Variants in ANO6 observed in about 807,000 individuals in gnomAD.
The protein encoded by ANO6 is anoctamin-6.
A neutral mutation model predicts 117.5 loss-of-function variants in ANO6; 106 were observed. The observed-to-expected ratio is 0.90, with a 90% confidence interval of 0.77 to 1.06. The LOEUF (loss-of-function observed/expected upper bound fraction) is 1.06, where lower values mean the gene tolerates loss of function less well. ANO6 is among the 50% of genes least tolerant of loss of function. The pLI, the probability that ANO6 is intolerant of heterozygous loss-of-function variation, is 0.00. For synonymous variants in ANO6, 367 were observed against 385.1 expected (o/e 0.95, Z 0.55); for missense variants, 955 against 1,121.1 (o/e 0.85, Z 2.12).
At position 45,379,749 on chromosome 12, in the gene ANO6, A is replaced by T. The variant is rs149825203; in HGVS notation, c.1165+1636A>T. Among the ~76,000 whole-genome samples, 201 of 152,354 alleles carry T rather than the reference A, an allele frequency of 1.3e-3. 1 individual carries two copies. Among genetic ancestry groups the T allele is most frequent in the African/African-American group, 4.4e-3 (184 of 41,580 alleles). ...AAGACAAGCCTCAAATTTACTAGCT[A>T]ACCTTCCTTTCTCTGATCATTAACT... On this transcript the variant is annotated intron_variant, in intron 10 of 19. Transcript: ENST00000320560.
Position 45,216,210 on chromosome 12 carries a change from A to G in ANO6, c.-112A>G. 1 of 1,287,076 alleles carries G rather than the reference A, an allele frequency of 7.8e-7. No individual in the cohort carries two copies. Among genetic ancestry groups the G allele is most frequent in the Admixed American group, 2.0e-5 (1 of 50,144 alleles). 79.7% of individuals were successfully genotyped at this position (1,287,076 alleles called of 1,614,324 possible). On this transcript the variant is annotated 5_prime_UTR_variant, in exon 1 of 20. Coordinates refer to ENST00000320560, the MANE Select transcript of ANO6 (RefSeq NM_001025356.3). The stretch of plus-strand genomic sequence containing the variant: ...GCTGGGCTCAGCGGCCCCTGAGCCC[A>G]AGCGACACACGCCCCGCGGTCCCCG...
intron 9 of ANO6, among the ~76,000 whole-genome samples, chr12:45,372,021 C>A (rs997277089): frequency 2.5e-4 from 38 of 152,006 alleles, no homozygotes; most frequent in African/African-American, 8.7e-4. Flanking sequence ...CTTAAAGGAG[C>A]TGATGGAGCT....
At chr12:45,420,993 T>G in intron 17 of ANO6, 78 bp from the exon 18 acceptor site, 1 of 1,482,900 alleles carries the variant, frequency 6.7e-7, no homozygotes, top group Admixed American at 1.7e-5. Flanking sequence ...CCATGCAGCC[T>G]GGGCAGCAAG....
intron 12 of ANO6, among the ~76,000 whole-genome samples, chr12:45,397,467 C>G (rs1189167684): frequency 6.6e-6 from 1 of 152,164 alleles, no homozygotes; most frequent in African/African-American, 2.4e-5. Context: ...CCATTTGACC[C>G]AGCAATCCCA....
chr12:45,363,936 C>CTCA (rs1941620502), intron 8 of ANO6, among the ~76,000 whole-genome samples: 1 of 152,206 alleles, frequency 6.6e-6, no homozygotes, highest in Non-Finnish European at 1.5e-5. Context: ...ATGAACTAGT[C>CTCA]TCAGGTATGT....
rs113718009 is a variant in ANO6, at chr12:45,406,174, C to T, written c.1880+2638C>T. 9.0e-3 allele frequency among the ~76,000 whole-genome samples: 1,377 copies of T among 152,342 alleles called. 17 individuals are homozygous for T. The highest frequency in any genetic ancestry group is 0.03 in the African/African-American group (1,239 of 41,568). On this transcript the variant is annotated intron_variant, in intron 15 of 19. Coordinates refer to ENST00000320560, the MANE Select transcript of ANO6 (RefSeq NM_001025356.3). Reference sequence around the variant, plus strand: ...TCAGGGATCCAGGTTCCTTTTGGGGCCTCCCCAGTACCTGGCATATGACAG... The same window carrying T: ...TCAGGGATCCAGGTTCCTTTTGGGGTCTCCCCAGTACCTGGCATATGACAG...
intron 2 of ANO6, among the ~76,000 whole-genome samples, chr12:45,312,031 T>G (rs1939865878): frequency 6.6e-6 from 1 of 152,034 alleles, no homozygotes; most frequent in Admixed American, 6.6e-5. Context: ...TTCCACTATT[T>G]CCAGAAATCC....
At chr12:45,409,564 A>T in intron 16 of ANO6, 77 bp downstream of exon 16, 2 of 1,486,534 alleles carry the variant, frequency 1.3e-6, no homozygotes, top group Non-Finnish European at 1.9e-6. Flanking sequence ...TCTGTTATTG[A>T]GCCATATTAA....
rs74080818 is a variant in ANO6, at chr12:45,350,883, C to T, written c.863+109C>T. ...ACTCTTGCCAGTGAAGGGAGCTGAC[C>T]CAGAGTGCTGAGCTTCGTTGGCCAG... is the stretch of plus-strand genomic sequence containing the variant. On this transcript the variant is annotated intron_variant, in intron 7 of 19. Coordinates refer to ENST00000320560, the MANE Select transcript of ANO6 (RefSeq NM_001025356.3). The T allele has an allele frequency of 9.0e-3, 8,475 of 943,692 alleles. 387 individuals carry two copies. In the African/African-American group the frequency reaches 0.11, roughly 12 times the overall value. 58.5% of individuals were successfully genotyped at this position (943,692 alleles called of 1,614,324 possible). A position where few individuals can be genotyped will look rare whatever the true frequency, so the allele number is the denominator to read the frequency against.
At chr12:45,253,913 A>T (rs1364242012) in intron 1 of ANO6, among the ~76,000 whole-genome samples, 1 of 152,196 alleles carries the variant, frequency 6.6e-6, no homozygotes, top group Non-Finnish European at 1.5e-5. Context: ...TCATGCCTGT[A>T]ATCCCAGCAC....
intron 1 of ANO6, chr12:45,270,585 C>CTTTCCTGTT: frequency 1.8e-6 from 1 of 553,736 alleles, no homozygotes; most frequent in Non-Finnish European, 3.1e-6. Flanking sequence ...CTCCGACTGT[C>CTTTCCTGTT]AGTTCCGGGA....
intron 1 of ANO6, among the ~76,000 whole-genome samples, chr12:45,261,850 T>G (rs1037108042): frequency 1.3e-5 from 2 of 152,216 alleles, no homozygotes; most frequent in Non-Finnish European, 2.9e-5. Flanking sequence ...AGGCATACTT[T>G]CTGGCAGAGC....
intron 1 of ANO6, among the ~76,000 whole-genome samples, chr12:45,231,825 G>A (rs1947578894): frequency 6.6e-6 from 1 of 152,068 alleles, no homozygotes; most frequent in Admixed American, 6.5e-5. Flanking sequence ...CCAAGGGTAA[G>A]CAAACACAGC....
At chr12:45,288,727 T>A (rs574731434) in intron 1 of ANO6, among the ~76,000 whole-genome samples, 1 of 152,258 alleles carries the variant, frequency 6.6e-6, no homozygotes, top group South Asian at 2.1e-4. Context: ...GGGTATATAT[T>A]ATAATACATA....
At chr12:45,265,179 A>G (rs181750293) in intron 1 of ANO6, among the ~76,000 whole-genome samples, 7 of 152,298 alleles carry the variant, frequency 4.6e-5, no homozygotes, top group South Asian at 2.1e-4. Context: ...CTGTATAGTG[A>G]CTTTTATATA....
chr12:45,258,872 C>T (rs1280834670), intron 1 of ANO6, among the ~76,000 whole-genome samples: 1 of 152,146 alleles, frequency 6.6e-6, no homozygotes, highest in East Asian at 1.9e-4. Flanking sequence ...ATAGTCCATG[C>T]CCTCAGGTTG....
At chr12:45,390,399 AC>A in intron 11 of ANO6, 21 bp from the exon 12 acceptor site, 8 of 1,592,388 alleles carry the variant, frequency 5.0e-6, no homozygotes, top group Non-Finnish European at 6.9e-6. Context: ...GATTGACTAA[AC>A]TTTTTTGTTT....
intron 1 of ANO6, among the ~76,000 whole-genome samples, chr12:45,284,924 C>A (rs1938859143): frequency 6.6e-6 from 1 of 152,150 alleles, no homozygotes; most frequent in East Asian, 1.9e-4. Flanking sequence ...TAGGGAGGGG[C>A]AATCTGAGTT....
At chr12:45,235,292 G>A (rs1947628661) in intron 1 of ANO6, among the ~76,000 whole-genome samples, 1 of 152,138 alleles carries the variant, frequency 6.6e-6, no homozygotes, top group African/African-American at 2.4e-5. Context: ...TTAAATCTTA[G>A]CCCTAAATTG....
Sources: allele counts gnomAD v4.1 joint callset (sites outside exome capture counted in the v4.1 genomes callset), GRCh38; gene constraint gnomAD v4.1.1; transcripts MANE v1.5; gene names NCBI Gene and HGNC (gene_info 2026-07-23, HGNC 2026-07-21).